The following ZSWIM5 variants were observed in gnomAD, a reference collection of about 807,000 sequenced individuals.
ZSWIM5 encodes zinc finger SWIM domain-containing protein 5.
In ZSWIM5, 55 loss-of-function variants were observed where a neutral mutation model predicts 119.6. That is an observed-to-expected ratio of 0.46 (90% CI 0.37 to 0.58). ZSWIM5 has a LOEUF of 0.58. Among genes scored for constraint, ZSWIM5 ranks in the 20% least tolerant of loss-of-function variants. The pLI, the probability that ZSWIM5 is intolerant of heterozygous loss-of-function variation, is 0.00. For missense variants in ZSWIM5, 1,193 were observed against 1,512.8 expected (o/e 0.79, Z 3.51); for synonymous variants, 537 against 606.9 (o/e 0.88, Z 1.69).
chr1:45,205,090 AAG>A (rs1470308006), intron 1 of ZSWIM5, among the ~76,000 whole-genome samples: 1 of 151,956 alleles, frequency 6.6e-6, no homozygotes, highest in East Asian at 1.9e-4. Context: ...TCTGACAAGG[AAG>A]AGAGACCCCA....
intron 1 of ZSWIM5, among the ~76,000 whole-genome samples, chr1:45,134,725 G>A (rs1267166589): frequency 6.6e-6 from 1 of 152,200 alleles, no homozygotes; most frequent in African/African-American, 2.4e-5. Flanking sequence ...CCTGAGCTGG[G>A]AAGAAAAACA....
intron 1 of ZSWIM5, among the ~76,000 whole-genome samples, chr1:45,190,196 G>A (rs985872076): frequency 6.6e-6 from 1 of 152,034 alleles, no homozygotes; most frequent in African/African-American, 2.4e-5. Flanking sequence ...ATAGTGGTGC[G>A]TGCCTATAGT....
intron 1 of ZSWIM5, among the ~76,000 whole-genome samples, chr1:45,104,327 T>C (rs1030254024): frequency 1.3e-5 from 2 of 152,232 alleles, no homozygotes; most frequent in Non-Finnish European, 2.9e-5. Context: ...AGCACTGGAA[T>C]GGCTCCATAT....
intron 1 of ZSWIM5, among the ~76,000 whole-genome samples, chr1:45,124,584 A>C (rs1645609702): frequency 2.0e-5 from 3 of 152,180 alleles, no homozygotes; most frequent in Non-Finnish European, 4.4e-5. Flanking sequence ...AATAAACAGA[A>C]AACAAAAAAT....
At chr1:45,107,792 T>G (rs1009796246) in intron 1 of ZSWIM5, among the ~76,000 whole-genome samples, 1 of 152,090 alleles carries the variant, frequency 6.6e-6, no homozygotes, top group Non-Finnish European at 1.5e-5. Flanking sequence ...TTTCTTTCTT[T>G]TCTTTTCTTA....
chr1:45,141,680 A>C (rs1290089373), intron 1 of ZSWIM5, among the ~76,000 whole-genome samples: 2 of 152,200 alleles, frequency 1.3e-5, no homozygotes, highest in African/African-American at 4.8e-5. Context: ...AAACGATTAA[A>C]AGTTTAAACA....
chr1:45,170,955 CATA>C (rs1557787703), intron 1 of ZSWIM5, among the ~76,000 whole-genome samples: 2 of 152,040 alleles, frequency 1.3e-5, no homozygotes. Context: ...TGAATTTACA[CATA>C]ATTATTGTAA....
chr1:45,198,764 A>G lies in ZSWIM5; in HGVS notation c.595+6992T>C, dbSNP rs146689131. Reference sequence around the variant, plus strand: ...CAGTCAATAATGTAAAGAAGACTGCATTGACATGGTTGAATTCCTAGGACC... The same window carrying G: ...CAGTCAATAATGTAAAGAAGACTGCGTTGACATGGTTGAATTCCTAGGACC... On this transcript the variant is annotated intron_variant, in intron 1 of 13. Transcript: ENST00000359600. Among the ~76,000 whole-genome samples, 1,206 of 152,320 alleles carry G rather than the reference A, an allele frequency of 7.9e-3. 18 individuals carry two copies. Among genetic ancestry groups the G allele is most frequent in the African/African-American group, 0.027 (1,113 of 41,568 alleles).
intron 1 of ZSWIM5, among the ~76,000 whole-genome samples, chr1:45,199,254 C>T (rs942198920): frequency 4.0e-5 from 6 of 151,636 alleles, no homozygotes; most frequent in African/African-American, 1.5e-4. Context: ...GGCAAGAAAA[C>T]CACTAGGCAG....
At chr1:45,035,617 T>A (rs968347975) in intron 10 of ZSWIM5, 71 bp downstream of exon 10, 2 of 1,560,340 alleles carry the variant, frequency 1.3e-6, no homozygotes, top group Non-Finnish European at 1.7e-6. Context: ...GAAAGTGAAA[T>A]AAGCAATGAA....
intron 1 of ZSWIM5, among the ~76,000 whole-genome samples, chr1:45,126,431 TGAAAA>T (rs1405662822): frequency 6.6e-6 from 1 of 151,788 alleles, no homozygotes. Flanking sequence ...AGGACACAGA[TGAAAA>T]GAAAAAAAAC....
rs564345130 is a variant in ZSWIM5, at chr1:45,070,752, A to C, written c.953-10505T>G. Among the ~76,000 whole-genome samples, 15 of 152,322 alleles carry C rather than the reference A, an allele frequency of 9.8e-5. No individual in the cohort carries two copies. The South Asian group carries it at 1.9e-3, about 19-fold the overall frequency. The stretch of plus-strand genomic sequence containing the variant: ...AACTCAATGCTACATCTTCTTTGAT[A>C]ATAACTTGCTAGTTTTTTTCCCATT... On this transcript the variant is annotated intron_variant, in intron 2 of 13. Coordinates refer to ENST00000359600, the MANE Select transcript of ZSWIM5 (RefSeq NM_020883.2).
intron 1 of ZSWIM5, among the ~76,000 whole-genome samples, chr1:45,102,590 C>T (rs1645446394): frequency 6.6e-6 from 1 of 152,088 alleles, no homozygotes; most frequent in Non-Finnish European, 1.5e-5. Context: ...ATATTTTCAT[C>T]TCAGGCACAT....
At chr1:45,035,984 G>T (rs1219709381) in intron 9 of ZSWIM5, 55 bp downstream of exon 9, 1 of 1,587,168 alleles carries the variant, frequency 6.3e-7, no homozygotes, top group South Asian at 1.2e-5. Flanking sequence ...ATTGGAGAGG[G>T]GAGCTCAGGG....
chr1:45,019,296 T>G lies in ZSWIM5; in HGVS notation c.2716A>C (p.Ile906Leu), dbSNP rs1644873484. The change falls in exon 14 of 14, where the codon ATC becomes CTC. Residue 906 changes from isoleucine to leucine, a missense_variant. Ile to Leu is a conservative substitution (Grantham distance 5). Around this residue, in one of 2 missense-constraint regions of ZSWIM5, gnomAD observed 961 missense variants for 1,290.0 expected, o/e 0.74. Transcript: ENST00000359600. The surrounding 1 kb of genome is among the most constrained non-coding windows in gnomAD (Gnocchi z 5.0). ...AAGAGTGTGTACCAGCTCTGCAAGA[T>G]GCTCACCAGGGCCCGCACACCTGTC... ...TEVGVRALVSILQSWYTLFTP... is the reference protein window; with the variant it reads ...TEVGVRALVSLLQSWYTLFTP... 6.2e-7 allele frequency: 1 copy of G among 1,611,976 alleles called. No individual in the cohort carries two copies. The highest frequency in any genetic ancestry group is 8.5e-7 in the Non-Finnish European group (1 of 1,179,656).
chr1:45,157,100 G>A (rs988266448), intron 1 of ZSWIM5, among the ~76,000 whole-genome samples: 1 of 151,682 alleles, frequency 6.6e-6, no homozygotes, highest in African/African-American at 2.4e-5. Context: ...AACAAATTTT[G>A]CCTATTTTAG....
intron 1 of ZSWIM5, among the ~76,000 whole-genome samples, chr1:45,153,290 G>A (rs1047565069): frequency 1.3e-5 from 2 of 151,834 alleles, no homozygotes; most frequent in Non-Finnish European, 2.9e-5. Context: ...GGGAGGCCGA[G>A]GTGGGCAGAT....
At chr1:45,135,866 G>A (rs1185893877) in intron 1 of ZSWIM5, among the ~76,000 whole-genome samples, 1 of 151,730 alleles carries the variant, frequency 6.6e-6, no homozygotes. Flanking sequence ...AATGTGTGAA[G>A]TCTTTTTTTT....
At chr1:45,059,661 T>C (rs1015323314) in intron 3 of ZSWIM5, among the ~76,000 whole-genome samples, 7 of 152,152 alleles carry the variant, frequency 4.6e-5, no homozygotes, top group African/African-American at 1.2e-4. Context: ...ATGGGTGAAT[T>C]GTATAGTATA....
Sources: gnomAD v4.1 joint callset for allele counts (sites outside exome capture counted in the v4.1 genomes callset) on GRCh38, gnomAD v4.1.1 for gene constraint, gnomAD v4.1.1 regional missense constraint, Gnocchi (gnomAD v3.1) non-coding constraint, MANE v1.5 for transcripts, NCBI Gene and HGNC (gene_info 2026-07-23, HGNC 2026-07-21) for gene names.